CFAP95: variants seen among roughly 807,000 people sequenced by gnomAD.
The protein encoded by CFAP95 is cilia- and flagella-associated protein 95.
chr9:69,859,396 T>C, the CFAP95 span, among the ~76,000 whole-genome samples: 1 of 152,170 alleles, frequency 6.6e-6, no homozygotes, highest in Non-Finnish European at 1.5e-5. Context: ...TCTGAAGATG[T>C]TAATGAAAGT....
the CFAP95 span, among the ~76,000 whole-genome samples, chr9:69,876,123 T>C: frequency 6.6e-6 from 1 of 152,272 alleles, no homozygotes; most frequent in Non-Finnish European, 1.5e-5. Flanking sequence ...TGAACATATT[T>C]ATTGTTTCAT....
At chr9:69,888,267 C>A in the CFAP95 span, among the ~76,000 whole-genome samples, 13 of 151,960 alleles carry the variant, frequency 8.6e-5, no homozygotes, top group Non-Finnish European at 1.9e-4. Context: ...AGGACGCCAC[C>A]TTCATTATAT....
the CFAP95 span, chr9:69,902,254 G>C: frequency 4.7e-3 from 2,087 of 439,594 alleles, 29 homozygotes; most frequent in African/African-American, 0.035. Context: ...TCTCTTGACA[G>C]GTTCTTCCCT....
the CFAP95 span, among the ~76,000 whole-genome samples, chr9:69,830,349 G>A: frequency 6.6e-6 from 1 of 152,190 alleles, no homozygotes; most frequent in Non-Finnish European, 1.5e-5. Flanking sequence ...TCCAGGAGAA[G>A]GAAGGAGTGC....
chr9:69,838,296 G>T, the CFAP95 span, among the ~76,000 whole-genome samples: 6 of 152,034 alleles, frequency 3.9e-5, no homozygotes, highest in African/African-American at 1.4e-4. Flanking sequence ...GATGGGGATG[G>T]CATTGAATCT....
chr9:69,844,483 A>G, the CFAP95 span: 4 of 1,383,080 alleles, frequency 2.9e-6, no homozygotes, highest in Middle Eastern at 1.8e-4. Flanking sequence ...TAAATAAACT[A>G]CATCTCTTAA....
At chr9:69,874,713 C>T in the CFAP95 span, among the ~76,000 whole-genome samples, 504 of 152,240 alleles carry the variant, frequency 3.3e-3, 5 homozygotes, top group East Asian at 0.043. Flanking sequence ...GAGTGAGTGC[C>T]CCTTTTCCAG....
chr9:69,893,921 T>C, the CFAP95 span, among the ~76,000 whole-genome samples: 1 of 152,232 alleles, frequency 6.6e-6, no homozygotes, highest in Non-Finnish European at 1.5e-5. Flanking sequence ...TATCGTGTAT[T>C]ATTGACTGAA....
the CFAP95 span, among the ~76,000 whole-genome samples, chr9:69,833,194 C>G: frequency 6.6e-6 from 1 of 152,118 alleles, no homozygotes; most frequent in Non-Finnish European, 1.5e-5. Flanking sequence ...TAGTCCTCAG[C>G]CCTCGAGCCA....
the CFAP95 span, chr9:69,906,178 G>T: frequency 6.9e-7 from 1 of 1,455,512 alleles, no homozygotes; most frequent in Non-Finnish European, 9.3e-7. Flanking sequence ...ATGAAAAATG[G>T]ATGTAGCAGT....
the CFAP95 span, among the ~76,000 whole-genome samples, chr9:69,851,888 A>AG: frequency 2.6e-5 from 4 of 151,258 alleles, no homozygotes; most frequent in Non-Finnish European, 5.9e-5. Flanking sequence ...AAAAAAAAAA[A>AG]GAAGAGGAAG....
the CFAP95 span, chr9:69,858,162 T>C: frequency 1.4e-5 from 8 of 559,768 alleles, no homozygotes; most frequent in African/African-American, 1.3e-4. Flanking sequence ...ACCGTAATAA[T>C]AAAACAGTAA....
the CFAP95 span, among the ~76,000 whole-genome samples, chr9:69,840,911 T>C: frequency 1.3e-5 from 2 of 151,804 alleles, no homozygotes; most frequent in African/African-American, 4.8e-5. Context: ...ACCTTCATTA[T>C]GGATTCATGG....
At chr9:69,862,401 C>T in the CFAP95 span, among the ~76,000 whole-genome samples, 4 of 152,098 alleles carry the variant, frequency 2.6e-5, no homozygotes, top group African/African-American at 9.7e-5. Flanking sequence ...TTCAACCGGC[C>T]CCTACTAATT....
At chr9:69,837,584 T>G in the CFAP95 span, among the ~76,000 whole-genome samples, 3 of 152,170 alleles carry the variant, frequency 2.0e-5, no homozygotes, top group African/African-American at 7.2e-5. Flanking sequence ...GGTTGTTTGT[T>G]TTTTTCTTGT....
At chr9:69,886,708 G>T in the CFAP95 span, 1 of 640,816 alleles carries the variant, frequency 1.6e-6, no homozygotes. Flanking sequence ...ACAGTTGTGG[G>T]GTTTTAAATT....
the CFAP95 span, among the ~76,000 whole-genome samples, chr9:69,879,936 C>T: frequency 1.3e-5 from 2 of 152,004 alleles, no homozygotes; most frequent in Admixed American, 1.3e-4. Context: ...TTTGGTCTCT[C>T]ACATCACACT....
At chr9:69,902,456 C>G in the CFAP95 span, 1 of 338,744 alleles carries the variant, frequency 3.0e-6, no homozygotes, top group Non-Finnish European at 5.7e-6. Context: ...GCTGGTATGA[C>G]TTTTCTCTTT....
the CFAP95 span, among the ~76,000 whole-genome samples, chr9:69,834,024 A>G: frequency 6.6e-6 from 1 of 152,250 alleles, no homozygotes; most frequent in East Asian, 1.9e-4. Flanking sequence ...TTATTCTGGA[A>G]TAATTCAAAT....
Sources: gnomAD v4.1 joint callset for allele counts (sites outside exome capture counted in the v4.1 genomes callset) on GRCh38, gnomAD v4.1.1 for gene constraint, MANE v1.5 for transcripts, NCBI Gene and HGNC (gene_info 2026-07-23, HGNC 2026-07-21) for gene names.